Variants in KATNAL2 observed in about 807,000 individuals in gnomAD.
The protein encoded by KATNAL2 is katanin p60 ATPase-containing subunit A-like 2.
A neutral mutation model predicts 76.3 loss-of-function variants in KATNAL2; 52 were observed. The observed-to-expected ratio is 0.68, with a 90% CI of 0.55 to 0.86. KATNAL2 has a LOEUF of 0.86. Among genes scored for constraint, KATNAL2 ranks in the 40% least tolerant of loss-of-function variants. KATNAL2 has a pLI of 0.00. For synonymous variants in KATNAL2, 243 were observed against 244.2 expected (o/e 1.00, Z 0.05); for missense variants, 660 against 668.9 (o/e 0.99, Z 0.15).
chr18:47,084,947 C>T (rs761620817), intron 15 of KATNAL2, among the ~76,000 whole-genome samples: 4 of 151,718 alleles, frequency 2.6e-5, no homozygotes, highest in South Asian at 2.1e-4. Flanking sequence ...CCCCCACCAC[C>T]GTCTCCCTCC....
At chr18:47,071,643 C>T (rs958440102) in intron 13 of KATNAL2, among the ~76,000 whole-genome samples, 1 of 151,792 alleles carries the variant, frequency 6.6e-6, no homozygotes, top group African/African-American at 2.4e-5. Context: ...GCTAGGTACA[C>T]GAAGGAAGGT....
At chr18:46,962,132 T>A (rs4890342) in intron 3 of KATNAL2, among the ~76,000 whole-genome samples, 2 of 142,082 alleles carry the variant, frequency 1.4e-5, no homozygotes, top group Non-Finnish European at 3.0e-5. Context: ...TCTAAGAAGC[T>A]GGGACCACAG....
rs757925387 is a variant in KATNAL2, at chr18:47,034,051, G to T, written c.52-12406G>T. 22 of 1,614,098 alleles carry T rather than the reference G, an allele frequency of 1.4e-5. No individual in the cohort carries two copies. Among genetic ancestry groups the T allele is most frequent in the Admixed American group, 6.7e-5 (4 of 60,014 alleles). Reference sequence around the variant, plus strand: ...TTTCCTTTGTTTATCTCCAAGTGCAGTGGTGGCAGATTTTCCAGTCTTTTT... The same window carrying T: ...TTTCCTTTGTTTATCTCCAAGTGCATTGGTGGCAGATTTTCCAGTCTTTTT... On this transcript the variant is annotated intron_variant, in intron 3 of 17. Coordinates refer to ENST00000683218, the MANE Select transcript of KATNAL2 (RefSeq NM_001387690.1).
At chr18:46,919,604 G>A (rs760716743) in intron 1 of KATNAL2, among the ~76,000 whole-genome samples, 3 of 152,088 alleles carry the variant, frequency 2.0e-5, no homozygotes, top group South Asian at 2.1e-4. Flanking sequence ...AGCTGCGATC[G>A]CACCATTGCA....
intron 15 of KATNAL2, among the ~76,000 whole-genome samples, chr18:47,087,311 G>T (rs1458561361): frequency 6.6e-6 from 1 of 152,160 alleles, no homozygotes; most frequent in Non-Finnish European, 1.5e-5. Flanking sequence ...ACGCCCATCA[G>T]TGATAGACTG....
At chr18:47,084,709 C>A (rs1171576085) in intron 15 of KATNAL2, among the ~76,000 whole-genome samples, 1 of 151,574 alleles carries the variant, frequency 6.6e-6, no homozygotes, top group Non-Finnish European at 1.5e-5. Context: ...ATTACCCAGG[C>A]GTTGTGGCAC....
chr18:46,936,343 C>A (rs1426888469), intron 1 of KATNAL2, among the ~76,000 whole-genome samples: 5 of 152,126 alleles, frequency 3.3e-5, no homozygotes, highest in Admixed American at 2.0e-4. Flanking sequence ...GAACTGAAAT[C>A]ATACAGAGTA....
chr18:47,078,166 G>A (rs1190225448), intron 15 of KATNAL2, among the ~76,000 whole-genome samples: 2 of 152,148 alleles, frequency 1.3e-5, no homozygotes, highest in Admixed American at 6.5e-5. Context: ...AGGGGACCAA[G>A]GTCAAGAGAG....
chr18:47,065,645 C>T (rs2061768541), intron 10 of KATNAL2, among the ~76,000 whole-genome samples: 1 of 151,716 alleles, frequency 6.6e-6, no homozygotes, highest in African/African-American at 2.4e-5. Flanking sequence ...GAGACTCCAT[C>T]TCAGAAAAAA....
chr18:47,046,193 T>G (rs765532701), intron 3 of KATNAL2, among the ~76,000 whole-genome samples: 11 of 152,188 alleles, frequency 7.2e-5, no homozygotes, highest in Admixed American at 5.9e-4. Context: ...AAAGGCCGAT[T>G]GGCTCGGCAG....
At chr18:47,034,260 C>T (rs1054782629) in intron 3 of KATNAL2, 3 of 1,613,900 alleles carry the variant, frequency 1.9e-6, no homozygotes, top group African/African-American at 1.3e-5. Context: ...GCTCTTTCTC[C>T]TCGGGCGACA....
At chr18:47,096,378 G>T (rs2063237091) in intron 15 of KATNAL2, among the ~76,000 whole-genome samples, 1 of 151,988 alleles carries the variant, frequency 6.6e-6, no homozygotes, top group South Asian at 2.1e-4. Flanking sequence ...ATTTATTTCT[G>T]TCACTCAGGC....
chr18:46,933,332 A>C (rs767692637), intron 1 of KATNAL2, among the ~76,000 whole-genome samples: 2 of 152,222 alleles, frequency 1.3e-5, no homozygotes, highest in Non-Finnish European at 2.9e-5. Flanking sequence ...TGACAAACTG[A>C]GTTGTGATTT....
chr18:47,034,971 G>T (rs2060694897), intron 3 of KATNAL2: 1 of 1,611,720 alleles, frequency 6.2e-7, no homozygotes, highest in African/African-American at 1.3e-5. Flanking sequence ...CCTCCCCGAA[G>T]CGCTGTCGGG....
chr18:47,059,963 A>T (rs1426340044), intron 8 of KATNAL2, among the ~76,000 whole-genome samples: 1 of 151,588 alleles, frequency 6.6e-6, no homozygotes, highest in Non-Finnish European at 1.5e-5. Flanking sequence ...AACAATGACA[A>T]ACATTGGCAT....
At chr18:46,955,086 C>A (rs941554542) in intron 3 of KATNAL2, among the ~76,000 whole-genome samples, 4 of 119,224 alleles carry the variant, frequency 3.4e-5, no homozygotes, top group Non-Finnish European at 7.3e-5. Context: ...TTCCTTCCTC[C>A]CTCCCTTCCT....
intron 15 of KATNAL2, among the ~76,000 whole-genome samples, chr18:47,091,434 T>C (rs1236682775): frequency 6.6e-6 from 1 of 152,152 alleles, no homozygotes; most frequent in Non-Finnish European, 1.5e-5. Flanking sequence ...ACAGAGTAAC[T>C]AGGTTCAAAA....
intron 15 of KATNAL2, among the ~76,000 whole-genome samples, chr18:47,087,768 G>GTGTGTGTGTGTGTGTT (rs1489891239): frequency 6.6e-6 from 1 of 152,026 alleles, no homozygotes; most frequent in African/African-American, 2.4e-5. Context: ...GTGTGTGTGT[G>GTGTGTGTGTGTGTGTT]TGTGTGTGTG....
At chr18:47,084,848 A>T (rs952644217) in intron 15 of KATNAL2, among the ~76,000 whole-genome samples, 78 of 77,428 alleles carry the variant, frequency 1.0e-3, no homozygotes, top group Non-Finnish European at 2.2e-4. Flanking sequence ...GACTCTGTCT[A>T]AAAAAAAAAA....
Sources: gnomAD v4.1 joint callset for allele counts (sites outside exome capture counted in the v4.1 genomes callset) on GRCh38, gnomAD v4.1.1 for gene constraint, MANE v1.5 for transcripts, NCBI Gene and HGNC (gene_info 2026-07-23, HGNC 2026-07-21) for gene names.